MAST4: variants seen among roughly 807,000 people sequenced by gnomAD.
MAST4 encodes the protein microtubule associated serine/threonine kinase family member 4, also known as microtubule-associated serine/threonine-protein kinase 4.
Under a neutral mutation model 162.7 loss-of-function variants are expected in MAST4, and 89 were observed. That is an observed-to-expected ratio of 0.55 (90% CI 0.46 to 0.65). The LOEUF is 0.65. MAST4 is among the 30% of genes least tolerant of loss of function. The probability of loss-of-function intolerance (pLI) is 0.00; values close to 1 mark genes in which losing one functional copy is unlikely to be tolerated. For synonymous variants in MAST4, 1,479 were observed against 1,361.1 expected (o/e 1.09, Z -1.91); for missense variants, 3,153 against 3,374.0 (o/e 0.93, Z 1.62).
At chr5:66,981,086 A>T (rs887840066) in intron 4 of MAST4, among the ~76,000 whole-genome samples, 3 of 152,220 alleles carry the variant, frequency 2.0e-5, no homozygotes, top group African/African-American at 7.2e-5. Context: ...GTTTGGGCAT[A>T]GAAATTTTAA....
At chr5:67,018,111 T>C (rs1753534367) in intron 4 of MAST4, among the ~76,000 whole-genome samples, 2 of 152,176 alleles carry the variant, frequency 1.3e-5, no homozygotes, top group South Asian at 4.1e-4. Flanking sequence ...AAAATCATTT[T>C]TATGAGGAAA....
At chr5:66,985,254 G>T (rs1203780367) in intron 4 of MAST4, among the ~76,000 whole-genome samples, 2 of 152,170 alleles carry the variant, frequency 1.3e-5, no homozygotes, top group African/African-American at 4.8e-5. Flanking sequence ...AGGAGGATAT[G>T]AAATGTCAGA....
At chr5:66,909,544 A>G (rs1561436046) in intron 4 of MAST4, among the ~76,000 whole-genome samples, 6 of 152,326 alleles carry the variant, frequency 3.9e-5, no homozygotes, top group Middle Eastern at 3.4e-3. Flanking sequence ...CAAGGAACCA[A>G]TGACTCAGAG....
At chr5:66,628,143 C>G (rs1192020829) in intron 1 of MAST4, among the ~76,000 whole-genome samples, 3 of 152,028 alleles carry the variant, frequency 2.0e-5, no homozygotes, top group Non-Finnish European at 2.9e-5. Context: ...AGTGATCCTC[C>G]CACTCTAGCC....
At chr5:67,031,052 T>C (rs1416703751) in intron 4 of MAST4, among the ~76,000 whole-genome samples, 1 of 152,190 alleles carries the variant, frequency 6.6e-6, no homozygotes, top group Non-Finnish European at 1.5e-5. Context: ...GGGATAACAC[T>C]TCCACATAGG....
intron 1 of MAST4, among the ~76,000 whole-genome samples, chr5:66,652,158 AG>A (rs368972908): frequency 9.9e-5 from 15 of 152,166 alleles, no homozygotes; most frequent in African/African-American, 3.6e-4. Context: ...CAGATTAGGA[AG>A]TGAAGGAGCA....
intron 1 of MAST4, among the ~76,000 whole-genome samples, chr5:66,687,489 T>TAGTATAC (rs1748741102): frequency 6.6e-6 from 1 of 151,974 alleles, no homozygotes; most frequent in African/African-American, 2.4e-5. Flanking sequence ...TATACATACA[T>TAGTATAC]ATATGTATAT....
chr5:67,061,762 A>G (rs1339842018), intron 5 of MAST4, among the ~76,000 whole-genome samples: 5 of 145,344 alleles, frequency 3.4e-5, no homozygotes, highest in Non-Finnish European at 7.5e-5. Flanking sequence ...ACCTTTTCAT[A>G]CTCTTAGTCT....
chr5:66,868,991 G>A (rs1397720671), intron 3 of MAST4, among the ~76,000 whole-genome samples: 1 of 152,066 alleles, frequency 6.6e-6, no homozygotes, highest in Non-Finnish European at 1.5e-5. Context: ...ATAAACCACA[G>A]GCCCAGGATT....
chr5:67,034,804 TTTA>T (rs1259558278), intron 4 of MAST4, among the ~76,000 whole-genome samples: 1 of 152,214 alleles, frequency 6.6e-6, no homozygotes, highest in Non-Finnish European at 1.5e-5. Context: ...TGTGGAATTC[TTTA>T]TTATTTTAGA....
chr5:66,610,822 G>A (rs1743242373), intron 1 of MAST4, among the ~76,000 whole-genome samples: 1 of 152,220 alleles, frequency 6.6e-6, no homozygotes, highest in South Asian at 2.1e-4. Flanking sequence ...GTGGCTCTGG[G>A]GAGCCTCTTG....
chr5:66,752,723 T>C (rs1180197562), intron 1 of MAST4, among the ~76,000 whole-genome samples: 15 of 145,886 alleles, frequency 1.0e-4, no homozygotes, highest in African/African-American at 2.8e-4. Flanking sequence ...ACTGTCAACA[T>C]TAGACAGATC....
intron 1 of MAST4, among the ~76,000 whole-genome samples, chr5:66,759,467 G>A (rs984067462): frequency 6.6e-6 from 1 of 152,082 alleles, no homozygotes; most frequent in East Asian, 1.9e-4. Context: ...ACCCACTAAT[G>A]TGCTGTGACC....
chr5:67,046,614 A>G (rs1179368023), intron 4 of MAST4, among the ~76,000 whole-genome samples: 2 of 152,204 alleles, frequency 1.3e-5, no homozygotes, highest in Non-Finnish European at 2.9e-5. Context: ...TAATATCTAC[A>G]TGTTCAGCTG....
At chr5:66,667,569 G>A (rs1747340025) in intron 1 of MAST4, among the ~76,000 whole-genome samples, 1 of 152,170 alleles carries the variant, frequency 6.6e-6, no homozygotes, top group South Asian at 2.1e-4. Context: ...TATCCACTTA[G>A]CAACCCCAGA....
intron 4 of MAST4, among the ~76,000 whole-genome samples, chr5:66,922,942 C>T (rs1764638222): frequency 6.6e-6 from 1 of 152,156 alleles, no homozygotes; most frequent in Non-Finnish European, 1.5e-5. Context: ...TCTGTTAAGA[C>T]CCCTTCATTT....
chr5:66,883,422 GTT>G (rs36071165), intron 3 of MAST4, among the ~76,000 whole-genome samples: 4,581 of 96,878 alleles, frequency 0.047, 97 homozygotes, highest in East Asian at 0.22. Flanking sequence ...TTCTGTCACT[GTT>G]TTTTTTTTTT....
chr5:67,144,830 T>G, intron 22 of MAST4, 34 bp downstream of exon 22: 1 of 1,563,816 alleles, frequency 6.4e-7, no homozygotes, highest in Non-Finnish European at 8.7e-7. Context: ...ATATAAGCAG[T>G]AGCTACTAGA....
intron 4 of MAST4, among the ~76,000 whole-genome samples, chr5:66,967,728 G>A (rs1480871051): frequency 6.7e-6 from 1 of 148,758 alleles, no homozygotes; most frequent in East Asian, 1.9e-4. Context: ...CAGGGCTGGA[G>A]AAATAGGCAA....
Sources: gnomAD v4.1 joint callset for allele counts (sites outside exome capture counted in the v4.1 genomes callset) on GRCh38, gnomAD v4.1.1 for gene constraint, MANE v1.5 for transcripts, NCBI Gene and HGNC (gene_info 2026-07-23, HGNC 2026-07-21) for gene names.